The following DOCK10 variants were observed in gnomAD, a reference collection of about 807,000 sequenced individuals.
DOCK10 encodes dedicator of cytokinesis protein 10.
Under a neutral mutation model 280.1 loss-of-function variants are expected in DOCK10, and 145 were observed. That is an observed-to-expected ratio of 0.52 (90% CI 0.45 to 0.59). The LOEUF (loss-of-function observed/expected upper bound fraction) is 0.59. Ranked by LOEUF, DOCK10 falls within the 20% of genes least tolerant of loss-of-function variation. The pLI, the probability that DOCK10 is intolerant of heterozygous loss-of-function variation, is 0.00. For missense variants in DOCK10, 2,368 were observed against 2,651.7 expected, an observed-to-expected ratio of 0.89 and a Z score of 2.35; for synonymous variants, 915 against 942.2, an observed-to-expected ratio of 0.97 and a Z score of 0.53.
chr2:224,954,060 T>G (rs1171394098), intron 1 of DOCK10, among the ~76,000 whole-genome samples: 2 of 152,202 alleles, frequency 1.3e-5, no homozygotes, highest in Non-Finnish European at 2.9e-5. Flanking sequence ...AGTACTCCAA[T>G]TATAGCCTTT....
intron 1 of DOCK10, among the ~76,000 whole-genome samples, chr2:224,957,676 C>T (rs746827421): frequency 1.4e-4 from 21 of 152,092 alleles, no homozygotes; most frequent in Non-Finnish European, 2.4e-4. Flanking sequence ...TCTTGAAAGC[C>T]GAGCTGACTT....
chr2:224,796,198 G>T, intron 44 of DOCK10, 118 bp downstream of exon 44: 1 of 680,566 alleles, frequency 1.5e-6, no homozygotes, highest in Non-Finnish European at 2.5e-6. Flanking sequence ...CAAAGTGTTG[G>T]GAATACAGGC....
chr2:224,816,482 T>G (rs1297919238), intron 30 of DOCK10, 135 bp downstream of exon 30: 2 of 646,680 alleles, frequency 3.1e-6, no homozygotes, highest in Non-Finnish European at 5.6e-6. Context: ...ATTACCTGGG[T>G]CTGATACCCA....
rs1435169743 is a variant in DOCK10, at chr2:224,807,703, C to A, written c.3667G>T (p.Asp1223Tyr). 2 of 1,571,126 alleles carry A rather than the reference C, an allele frequency of 1.3e-6. No homozygotes were observed. Among genetic ancestry groups the A allele is most frequent in the Non-Finnish European group, 1.7e-6 (2 of 1,156,328 alleles). ...LDNMPRIYLK[D>Y]LYPFTVNTSN... Reference sequence around the variant, plus strand: ...GTATTGACAGTAAAAGGATACAGGTCCTTCAGATAAATCCTTGGCATATTG... The same window carrying A: ...GTATTGACAGTAAAAGGATACAGGTACTTCAGATAAATCCTTGGCATATTG... The change falls in exon 33 of 56, where the codon GAC (aspartate) becomes TAC (tyrosine). Residue 1223 changes from aspartate to tyrosine, a missense_variant. Coordinates refer to ENST00000258390, the MANE Select transcript of DOCK10 (RefSeq NM_014689.3).
intron 1 of DOCK10, among the ~76,000 whole-genome samples, chr2:224,974,846 AC>A (rs1705334602): frequency 7.2e-6 from 1 of 138,252 alleles, no homozygotes; most frequent in Non-Finnish European, 1.6e-5. Context: ...TATAACATAT[AC>A]ACACACGTAT....
intron 2 of DOCK10, among the ~76,000 whole-genome samples, chr2:224,927,236 G>A (rs1363295467): frequency 6.6e-6 from 1 of 152,198 alleles, no homozygotes; most frequent in Non-Finnish European, 1.5e-5. Flanking sequence ...TCTGTGCAGT[G>A]ACTGAGGAAA....
At chr2:224,788,398 AAGT>A (rs1259403036) in intron 48 of DOCK10, among the ~76,000 whole-genome samples, 2 of 152,216 alleles carry the variant, frequency 1.3e-5, no homozygotes, top group Non-Finnish European at 2.9e-5. Context: ...ACATTATTTA[AAGT>A]AGTTAACATA....
Position 224,787,416 on chromosome 2 carries a change from A to C in DOCK10, c.5419-19T>G. Reference sequence around the variant, plus strand: ...GGATATTCTGCAATTCCCCCAATCAAAATAAGATTTTACATGATTAGGGTT... The same window carrying C: ...GGATATTCTGCAATTCCCCCAATCACAATAAGATTTTACATGATTAGGGTT... On this transcript the variant is annotated intron_variant, in intron 48 of 55. Transcript: ENST00000258390. The C allele has an allele frequency of 1.2e-6, 2 of 1,613,176 alleles. No homozygotes were observed. The highest frequency in any genetic ancestry group is 1.7e-6 in the Non-Finnish European group (2 of 1,179,700).
rs1291228453 is a variant in DOCK10 at position 224,864,999 on chromosome 2, G to T, written c.1346C>A (p.Ala449Asp). The change falls in exon 12 of 56, where the codon GCT (alanine) becomes GAT (aspartate). Residue 449 changes from alanine (A) to aspartate (D), a missense_variant. By Grantham distance (126) the Ala-to-Asp change is moderately radical. Around this residue, in one of 2 missense-constraint regions of DOCK10, gnomAD observed 1,209 missense variants for 1,250.9 expected, o/e 0.97. Transcript: ENST00000258390. ...SADFHVDLNH[A>D]AVRQMLLGAS... ...CCCCAAGAGCATCTGTCTGACAGCAGCATGGTTTAGATCCACATGAAAATC... is the reference window on the plus strand; with the variant it reads ...CCCCAAGAGCATCTGTCTGACAGCATCATGGTTTAGATCCACATGAAAATC... 1 of 1,613,902 alleles carries T rather than the reference G, an allele frequency of 6.2e-7. No individual in the cohort carries two copies. The highest frequency in any genetic ancestry group is 1.3e-5 in the African/African-American group (1 of 75,006).
At chr2:224,992,999 A>C (rs1031762610) in intron 1 of DOCK10, among the ~76,000 whole-genome samples, 23 of 152,306 alleles carry the variant, frequency 1.5e-4, no homozygotes, top group African/African-American at 5.1e-4. Flanking sequence ...GTTGTAGTAA[A>C]CATCACCAAC....
chr2:224,898,505 T>A (rs1368245647), intron 3 of DOCK10, among the ~76,000 whole-genome samples: 1 of 152,058 alleles, frequency 6.6e-6, no homozygotes, highest in African/African-American at 2.4e-5. Flanking sequence ...AGCAAAACAG[T>A]ATGGTGAGCT....
At chr2:224,913,446 T>A (rs1156516268) in intron 3 of DOCK10, among the ~76,000 whole-genome samples, 1 of 152,170 alleles carries the variant, frequency 6.6e-6, no homozygotes, top group Non-Finnish European at 1.5e-5. Context: ...TTTGTCTTTT[T>A]AAAAATTAAT....
chr2:224,961,442 C>CTTTCT (rs1704419490), intron 1 of DOCK10, among the ~76,000 whole-genome samples: 2 of 129,766 alleles, frequency 1.5e-5, no homozygotes, highest in Non-Finnish European at 3.3e-5. Flanking sequence ...TTCTTTCTTT[C>CTTTCT]TTTCTTTCTT....
chr2:225,033,425 C>T (rs762080734), intron 1 of DOCK10, among the ~76,000 whole-genome samples: 25 of 152,096 alleles, frequency 1.6e-4, no homozygotes, highest in Non-Finnish European at 3.4e-4. Context: ...TCAGGTGATC[C>T]TCCCATCTCG....
At chr2:224,870,814 C>CTTTT (rs1559614196) in intron 11 of DOCK10, among the ~76,000 whole-genome samples, 3 of 106,474 alleles carry the variant, frequency 2.8e-5, no homozygotes, top group African/African-American at 1.1e-4. Context: ...ATGGCCACTC[C>CTTTT]ATTTTTTTTT....
At chr2:224,886,886 A>ACC (rs879598680) in intron 4 of DOCK10, among the ~76,000 whole-genome samples, 15,294 of 134,066 alleles carry the variant, frequency 0.11, 1,396 homozygotes, top group African/African-American at 0.23. Flanking sequence ...AGCACCCCCA[A>ACC]CACCCCCCCA....
At chr2:225,022,948 G>C (rs1404467614) in intron 1 of DOCK10, among the ~76,000 whole-genome samples, 1 of 152,136 alleles carries the variant, frequency 6.6e-6, no homozygotes, top group Non-Finnish European at 1.5e-5. Flanking sequence ...GAAAGATACT[G>C]TTCCTAATTA....
At chr2:224,865,198 A>G (rs1697825315) in intron 11 of DOCK10, 111 bp from the exon 12 acceptor site, 2 of 1,032,752 alleles carry the variant, frequency 1.9e-6, no homozygotes, top group Non-Finnish European at 2.8e-6. Context: ...GCAGCAGGCA[A>G]GCTCCCCTTG....
At chr2:224,930,571 GA>G (rs5839080) in intron 2 of DOCK10, among the ~76,000 whole-genome samples, 82,406 of 146,890 alleles carry the variant, frequency 0.56, 23,484 homozygotes, top group Non-Finnish European at 0.63. Flanking sequence ...GGAGGAAGGT[GA>G]AAAAAAAAAA....
Sources: gnomAD v4.1 joint callset for allele counts (sites outside exome capture counted in the v4.1 genomes callset) on GRCh38, gnomAD v4.1.1 for gene constraint, gnomAD v4.1.1 regional missense constraint, MANE v1.5 for transcripts, NCBI Gene and HGNC (gene_info 2026-07-23, HGNC 2026-07-21) for gene names.